BBOX1: variants seen among roughly 807,000 people sequenced by gnomAD.
The protein encoded by BBOX1 is gamma-butyrobetaine dioxygenase.
A neutral mutation model predicts 41.6 loss-of-function variants in BBOX1; 35 were observed. The observed-to-expected ratio is 0.84, with a 90% CI of 0.64 to 1.11. The LOEUF (loss-of-function observed/expected upper bound fraction) is 1.11. BBOX1 is among the 50% of genes most tolerant of loss of function. The pLI, the probability that BBOX1 is intolerant of heterozygous loss-of-function variation, is 0.00. For missense variants in BBOX1, 458 were observed against 460.6 expected (o/e 0.99, Z 0.05); for synonymous variants, 163 against 154.7 (o/e 1.05, Z -0.40).
intron 5 of BBOX1, among the ~76,000 whole-genome samples, chr11:27,105,120 A>G (rs1168652592): frequency 6.6e-6 from 1 of 152,188 alleles, no homozygotes; most frequent in East Asian, 1.9e-4. Context: ...CCAAAGGTAG[A>G]TCAAACCACA....
In BBOX1 at chr11:27,057,223, A is replaced by G; in HGVS notation, c.242A>G (p.Glu81Gly). Residue 81 changes from glutamate (E) to glycine (G), a missense_variant, in exon 4 of 9, where the codon GAG becomes GGG. Physicochemically the swap from Glu to Gly is moderately conservative, Grantham distance 98 (BLOSUM62 -2). Coordinates refer to ENST00000263182, the MANE Select transcript of BBOX1 (RefSeq NM_003986.3). The part of the protein sequence containing the change: ...RKKVYITWPD[E>G]HYSEFQADWL... ...AAGGTGTACATCACATGGCCCGATG[A>G]GCATTACAGTGAATTCCAGGCTGAT... The G allele has an allele frequency of 6.2e-7, 1 of 1,607,870 alleles. No homozygotes were observed. Among genetic ancestry groups the G allele is most frequent in the Non-Finnish European group, 8.5e-7 (1 of 1,178,598 alleles).
intron 5 of BBOX1, among the ~76,000 whole-genome samples, chr11:27,105,638 G>C (rs1243103817): frequency 6.6e-6 from 1 of 152,144 alleles, no homozygotes; most frequent in Non-Finnish European, 1.5e-5. Flanking sequence ...GAAAGTGACG[G>C]GGAGAATGGA....
chr11:27,074,825 A>G (rs1004884327), intron 4 of BBOX1, among the ~76,000 whole-genome samples: 4 of 152,234 alleles, frequency 2.6e-5, no homozygotes, highest in Non-Finnish European at 5.9e-5. Context: ...CTTTGACTCC[A>G]TATCTCCCAT....
intron 4 of BBOX1, among the ~76,000 whole-genome samples, chr11:27,064,634 T>C (rs183429808): frequency 2.6e-5 from 4 of 152,290 alleles, no homozygotes; most frequent in Admixed American, 2.6e-4. Flanking sequence ...AGGAGTTTAA[T>C]AGACATGAGG....
chr11:27,099,519 A>G (rs903579959), intron 5 of BBOX1, among the ~76,000 whole-genome samples: 1 of 152,120 alleles, frequency 6.6e-6, no homozygotes, highest in African/African-American at 2.4e-5. Flanking sequence ...TAAAACTTAT[A>G]AGGCCACAAG....
intron 2 of BBOX1, among the ~76,000 whole-genome samples, chr11:27,048,003 T>C (rs1422658251): frequency 6.6e-6 from 1 of 152,152 alleles, no homozygotes; most frequent in Non-Finnish European, 1.5e-5. Context: ...CAAATAAAAG[T>C]TGTAAACATA....
At chr11:27,088,017 A>G (rs975910791) in intron 4 of BBOX1, among the ~76,000 whole-genome samples, 1 of 152,040 alleles carries the variant, frequency 6.6e-6, no homozygotes, top group Non-Finnish European at 1.5e-5. Context: ...ACACATCTAA[A>G]AGATAATATA....
At chr11:27,116,957 A>G (rs1859287880) in intron 6 of BBOX1, among the ~76,000 whole-genome samples, 1 of 152,020 alleles carries the variant, frequency 6.6e-6, no homozygotes, top group Non-Finnish European at 1.5e-5. Flanking sequence ...CAAGGAGGGA[A>G]ATGCTCAGTG....
chr11:27,125,978 T>A, intron 8 of BBOX1, 158 bp downstream of exon 8: 2 of 685,692 alleles, frequency 2.9e-6, no homozygotes, highest in Non-Finnish European at 4.7e-6. Flanking sequence ...AGTGGACTCG[T>A]GGCCCTCATT....
Position 27,072,548 on chromosome 11 carries a change from G to A in BBOX1, c.334+15233G>A, listed in dbSNP as rs532158788. On this transcript the variant is annotated intron_variant, in intron 4 of 8. Coordinates refer to ENST00000263182, the MANE Select transcript of BBOX1 (RefSeq NM_003986.3). ...TCCCCATCAAGCTACCAATGACTTC[G>A]TCACAGAATTGGAAAAAACTACTTT... Among the ~76,000 whole-genome samples the A allele has an allele frequency of 2.6e-4, 40 of 152,108 alleles. No individual in the cohort carries two copies. The South Asian group carries it at 5.2e-3, about 20-fold the overall frequency.
At chr11:27,088,911 A>C (rs749082561) in intron 4 of BBOX1, among the ~76,000 whole-genome samples, 2 of 152,022 alleles carry the variant, frequency 1.3e-5, no homozygotes, top group Non-Finnish European at 2.9e-5. Flanking sequence ...TTCAGCAAAT[A>C]TTAGCTATTA....
At chr11:27,046,725 T>A (rs988881443) in intron 2 of BBOX1, among the ~76,000 whole-genome samples, 1 of 152,182 alleles carries the variant, frequency 6.6e-6, no homozygotes, top group Non-Finnish European at 1.5e-5. Context: ...ATATAGGAGC[T>A]ATATCTAAAT....
At chr11:27,119,449 T>G (rs1286757100) in intron 6 of BBOX1, among the ~76,000 whole-genome samples, 200 bp from the exon 7 acceptor site, 5 of 151,884 alleles carry the variant, frequency 3.3e-5, no homozygotes, top group Admixed American at 6.6e-5. Flanking sequence ...TCTTCCCAAC[T>G]CTTTTCTGAT....
chr11:27,109,986 AGAT>A (rs1858998839), intron 5 of BBOX1, among the ~76,000 whole-genome samples: 1 of 152,060 alleles, frequency 6.6e-6, no homozygotes, highest in Admixed American at 6.6e-5. Context: ...TTCCTCCACC[AGAT>A]AATAAATTTT....
chr11:27,078,255 C>T (rs749155708), intron 4 of BBOX1, among the ~76,000 whole-genome samples: 4 of 152,222 alleles, frequency 2.6e-5, no homozygotes, highest in East Asian at 3.9e-4. Flanking sequence ...AGGAAATAGG[C>T]ATCACTTCAC....
chr11:27,116,812 A>G (rs1859281728), intron 6 of BBOX1, among the ~76,000 whole-genome samples: 1 of 152,030 alleles, frequency 6.6e-6, no homozygotes. Context: ...TCTAGCCCAC[A>G]TTCAGGAGGT....
chr11:27,125,726 T>C lies in BBOX1; in HGVS notation c.909T>C (p.Pro303=). 1 of 1,613,112 alleles carries C rather than the reference T, an allele frequency of 6.2e-7. No homozygotes were observed. Among genetic ancestry groups the C allele is most frequent in the South Asian group, 1.1e-5 (1 of 90,900 alleles). ...CTAGGGACACAATATTTGATGTGCC[T>C]GTTGAAAGAGTTCAGCCTTTTTATG... ...NATRDTIFDV[P]VERVQPFYAA... Residue 303 remains proline, a synonymous_variant, in exon 8 of 9, where the codon CCT becomes CCC. Coordinates refer to ENST00000263182, the MANE Select transcript of BBOX1 (RefSeq NM_003986.3).
chr11:27,119,633 T>C lies in BBOX1; in HGVS notation c.640-16T>C. Reference sequence around the variant, plus strand: ...AATTTAATATTTATTTAATAATGCATATTTTCTTTTTATAGGTTCAGCTTC... The same window carrying C: ...AATTTAATATTTATTTAATAATGCACATTTTCTTTTTATAGGTTCAGCTTC... On this transcript the variant is annotated splice_polypyrimidine_tract_variant and intron_variant, in intron 6 of 8. Transcript: ENST00000263182. 1.5e-6 allele frequency: 2 copies of C among 1,335,238 alleles called. No homozygotes were observed. Among genetic ancestry groups the C allele is most frequent in the Non-Finnish European group, 2.0e-6 (2 of 1,025,258 alleles). 82.7% of individuals were successfully genotyped at this position (1,335,238 alleles called of 1,614,324 possible). A position where few individuals can be genotyped will look rare whatever the true frequency, so the allele number is the denominator to read the frequency against.
intron 3 of BBOX1, 52 bp from the exon 4 acceptor site, chr11:27,057,149 G>A: frequency 1.2e-5 from 15 of 1,241,038 alleles, no homozygotes; most frequent in South Asian, 1.5e-5. Flanking sequence ...GAGCAATAGT[G>A]GAGAACGGAA....
Sources: gnomAD v4.1 joint callset for allele counts (sites outside exome capture counted in the v4.1 genomes callset) on GRCh38, gnomAD v4.1.1 for gene constraint, MANE v1.5 for transcripts, NCBI Gene and HGNC (gene_info 2026-07-23, HGNC 2026-07-21) for gene names.